The following SHPK variants were observed in gnomAD, a reference collection of about 807,000 sequenced individuals.
The protein encoded by SHPK is carbohydrate kinase-like protein.
A neutral mutation model predicts 46.3 loss-of-function variants in SHPK; 51 were observed. That is an observed-to-expected ratio of 1.10 (90% CI 0.88 to 1.39). SHPK has a LOEUF of 1.39. SHPK is among the 40% of genes most tolerant of loss of function. The pLI is 0.00. For synonymous variants in SHPK, 290 were observed against 273.9 expected (o/e 1.06, Z -0.58); for missense variants, 668 against 641.3 (o/e 1.04, Z -0.45).
At chr17:3,619,853 A>C (rs2075389815) in intron 5 of SHPK, 1 of 326,710 alleles carries the variant, frequency 3.1e-6, no homozygotes, top group African/African-American at 2.3e-5. Context: ...TCTGCTGTCT[A>C]CCTGTGAGCA....
At chr17:3,635,229 G>GGAAGGAAGGAAGGAAA (rs1467235931) in intron 1 of SHPK, among the ~76,000 whole-genome samples, 2 of 133,444 alleles carry the variant, frequency 1.5e-5, no homozygotes, top group Non-Finnish European at 3.3e-5. Context: ...AAGGAAGGAA[G>GGAAGGAAGGAAGGAAA]GAAGGAAGGA....
intron 1 of SHPK, 38 bp from the exon 2 acceptor site, chr17:3,630,384 C>A: frequency 6.3e-7 from 1 of 1,575,204 alleles, no homozygotes; most frequent in Non-Finnish European, 8.6e-7. Context: ...GGGGCAGACA[C>A]ACAGGCAGGG....
At chr17:3,630,369 G>A (rs1345586998) in intron 1 of SHPK, 23 bp from the exon 2 acceptor site, 1 of 1,591,612 alleles carries the variant, frequency 6.3e-7, no homozygotes, top group African/African-American at 1.3e-5. Flanking sequence ...GAGAACACAT[G>A]GGCAGGGGCA....
intron 6 of SHPK, among the ~76,000 whole-genome samples, chr17:3,611,856 G>T (rs530927224): frequency 3.3e-4 from 47 of 142,600 alleles, no homozygotes; most frequent in Middle Eastern, 7.4e-3. Flanking sequence ...CTGGAGTGCA[G>T]TGGCACATAT....
chr17:3,632,753 C>G (rs2075480615), intron 1 of SHPK, among the ~76,000 whole-genome samples: 1 of 152,024 alleles, frequency 6.6e-6, no homozygotes, highest in African/African-American at 2.4e-5. Context: ...TCCTACTCCT[C>G]AGGCCTCTTT....
chr17:3,635,949 T>C, intron 1 of SHPK, 103 bp downstream of exon 1: 1 of 1,177,734 alleles, frequency 8.5e-7, no homozygotes, highest in Non-Finnish European at 1.2e-6. Context: ...CAAGCTGGAA[T>C]AGAGACTTCA....
intron 6 of SHPK, among the ~76,000 whole-genome samples, chr17:3,611,954 C>T (rs772382796): frequency 8.6e-5 from 13 of 151,820 alleles, no homozygotes; most frequent in Admixed American, 2.0e-4. Flanking sequence ...CAGGCCCACA[C>T]CACCACACCT....
intron 1 of SHPK, among the ~76,000 whole-genome samples, chr17:3,630,767 G>A (rs2075465867): frequency 6.6e-6 from 1 of 152,302 alleles, no homozygotes; most frequent in Admixed American, 6.5e-5. Flanking sequence ...AGGAGGCTGA[G>A]GCAGGAGAAT....
In SHPK at chr17:3,613,287, C is replaced by T. The variant is rs1413130199; in HGVS notation, c.1024+2050G>A. Among the ~76,000 whole-genome samples the T allele has an allele frequency of 2.6e-5, 4 of 151,516 alleles. No homozygotes were observed. In the South Asian group the frequency reaches 6.2e-4, roughly 24 times the overall value. On this transcript the variant is annotated intron_variant, in intron 6 of 6. Coordinates refer to ENST00000225519, the MANE Select transcript of SHPK (RefSeq NM_013276.4). ...GGTCCAATAAATCAGCATTTCTGGG[C>T]GTGGGACCAGGATGCAACGATGTTT...
intron 2 of SHPK, among the ~76,000 whole-genome samples, chr17:3,624,741 T>G (rs1157473788): frequency 6.6e-6 from 1 of 151,990 alleles, no homozygotes; most frequent in Non-Finnish European, 1.5e-5. Context: ...GCAACCTCCA[T>G]CTCCCAGGTT....
rs371456619 is a variant in SHPK at position 3,621,176 on chromosome 17, G to A, written c.823+61C>T. 4 of 1,409,344 alleles carry A rather than the reference G, an allele frequency of 2.8e-6. No homozygotes were observed. The African/African-American group carries it at 4.3e-5, about 15-fold the overall frequency. The allele number at this position is 1,409,344 out of a possible 1,614,324, so 87.3% of individuals were successfully genotyped here. Reference sequence around the variant, plus strand: ...TGTGTGCCCTGCAGACTCGCACAGAGCTGGTGCTTATGAGGCAGGCGACAG... The same window carrying A: ...TGTGTGCCCTGCAGACTCGCACAGAACTGGTGCTTATGAGGCAGGCGACAG... On this transcript the variant is annotated intron_variant, in intron 5 of 6. Coordinates refer to ENST00000225519, the MANE Select transcript of SHPK (RefSeq NM_013276.4).
rs546532398 is a variant in SHPK at position 3,633,681 on chromosome 17, A to C, written c.168+2371T>G. On this transcript the variant is annotated intron_variant, in intron 1 of 6. Coordinates refer to ENST00000225519, the MANE Select transcript of SHPK (RefSeq NM_013276.4). ...GCTGAAAGCTGGGGAGGGAGGGCAG[A>C]AAAGTTTTCAAGAAGTGGCCGTGCT... Among the ~76,000 whole-genome samples the C allele has an allele frequency of 3.9e-5, 6 of 152,242 alleles. No individual in the cohort carries two copies. In the East Asian group the frequency reaches 1.2e-3, roughly 29 times the overall value.
Position 3,610,680 on chromosome 17 carries a change from C to A in SHPK, c.1317G>T (p.Val439=). The A allele has an allele frequency of 6.2e-7, 1 of 1,614,130 alleles. No individual in the cohort carries two copies. Among genetic ancestry groups the A allele is most frequent in the East Asian group, 2.2e-5 (1 of 44,888 alleles). ...AAGCCCTCTGCACCTCCTGCTTCAG[C>A]ACGTCATTCCTGGACAGCGCACTCC... ...GSGSALSRND[V]LKQEVQRAFP... Residue 439 remains valine, a synonymous_variant, in exon 7 of 7, where the codon GTG becomes GTT. Transcript: ENST00000225519.
At chr17:3,623,310 G>T (rs1463597839) in intron 4 of SHPK, 29 bp downstream of exon 4, 1 of 1,612,314 alleles carries the variant, frequency 6.2e-7, no homozygotes, top group African/African-American at 1.3e-5. Context: ...TGGAGCAGGA[G>T]GAACAGCCTG....
At chr17:3,635,147 G>C (rs535085994) in intron 1 of SHPK, among the ~76,000 whole-genome samples, 72 of 149,372 alleles carry the variant, frequency 4.8e-4, no homozygotes, top group Admixed American at 1.1e-3. Context: ...ACTCCAGCCT[G>C]GGCAACAGAG....
chr17:3,631,049 C>T (rs1272406287), intron 1 of SHPK, among the ~76,000 whole-genome samples: 3 of 152,076 alleles, frequency 2.0e-5, no homozygotes, highest in African/African-American at 4.8e-5. Context: ...TTCCCCTCCT[C>T]GGAAAACCTC....
intron 3 of SHPK, 125 bp downstream of exon 3, chr17:3,623,923 T>C (rs2075417523): frequency 1.1e-6 from 1 of 944,886 alleles, no homozygotes; most frequent in Non-Finnish European, 1.6e-6. Flanking sequence ...CCATGCTGCA[T>C]CCTGTCCTGC....
At chr17:3,614,860 A>AAAGAAG (rs1555553786) in intron 6 of SHPK, among the ~76,000 whole-genome samples, 1 of 147,206 alleles carries the variant, frequency 6.8e-6, no homozygotes, top group Non-Finnish European at 1.5e-5. Flanking sequence ...AAAAAAAAAA[A>AAAGAAG]AAGAAGAAGA....
At position 3,610,399 on chromosome 17, in the gene SHPK, T is replaced by C; in HGVS notation, c.*161A>G. On this transcript the variant is annotated 3_prime_UTR_variant, in exon 7 of 7. Coordinates refer to ENST00000225519, the MANE Select transcript of SHPK (RefSeq NM_013276.4). ...ACGGCTCCTGGCTGCATTATTAGAG[T>C]ATGTTCTGAAGGTAAGTTCTTGGCC... 1.4e-6 allele frequency: 1 copy of C among 718,686 alleles called. No individual in the cohort carries two copies. The highest frequency in any genetic ancestry group is 2.3e-6 in the Non-Finnish European group (1 of 442,802). 44.5% of individuals were successfully genotyped at this position (718,686 alleles called of 1,614,324 possible). A position where few individuals can be genotyped will look rare whatever the true frequency, so the allele number is the denominator to read the frequency against.
Sources: allele counts gnomAD v4.1 joint callset (sites outside exome capture counted in the v4.1 genomes callset), GRCh38; gene constraint gnomAD v4.1.1; transcripts MANE v1.5; gene names NCBI Gene and HGNC (gene_info 2026-07-23, HGNC 2026-07-21).